Variants in SH3KBP1 observed in about 807,000 individuals in gnomAD.
SH3KBP1 encodes SH3 domain-containing kinase-binding protein 1.
In SH3KBP1, 8 loss-of-function variants were observed where a neutral mutation model predicts 50.1. The ratio of observed to expected loss-of-function variants is 0.16; its 90% CI spans 0.09 to 0.29. SH3KBP1 has a LOEUF of 0.29. Ranked by LOEUF, SH3KBP1 falls within the 10% of genes least tolerant of loss-of-function variation. SH3KBP1 has a pLI of 1.00. For synonymous variants in SH3KBP1, 227 were observed against 218.6 expected (o/e 1.04, Z -0.34); for missense variants, 377 against 535.2 (o/e 0.70, Z 2.92).
intron 6 of SH3KBP1, among the ~76,000 whole-genome samples, chrX:19,665,335 T>C (rs2062571164): frequency 8.9e-6 from 1 of 112,238 alleles, no homozygotes; most frequent in Non-Finnish European, 1.9e-5. Context: ...GCCTTCACTT[T>C]GCCAAACCAT....
chrX:19,766,562 TG>T (rs1198897341), intron 2 of SH3KBP1, among the ~76,000 whole-genome samples: 2 of 83,718 alleles, frequency 2.4e-5, no homozygotes, highest in Non-Finnish European at 4.3e-5. Flanking sequence ...TGGAGTGCAG[TG>T]GCACAATCTC....
intron 8 of SH3KBP1, among the ~76,000 whole-genome samples, chrX:19,621,676 G>A (rs1241965872): frequency 8.9e-6 from 1 of 112,059 alleles, no homozygotes; most frequent in Non-Finnish European, 1.9e-5. Flanking sequence ...CATAAATAAA[G>A]TTTCATTGGA....
In SH3KBP1 at chrX:19,808,604, C is replaced by G. The variant is rs146567361; in HGVS notation, c.162+27521G>C. 8.1e-5 allele frequency among the ~76,000 whole-genome samples: 9 copies of G among 111,225 alleles called. No individual in the cohort carries two copies. The East Asian group carries it at 1.4e-3, about 17-fold the overall frequency. On this transcript the variant is annotated intron_variant, in intron 2 of 17. Coordinates refer to ENST00000397821, the MANE Select transcript of SH3KBP1 (RefSeq NM_031892.3). The stretch of plus-strand genomic sequence containing the variant: ...TGCAAAGGGATAGGACCCCCTCCCC[C>G]ACAACTGCTGCCCTCAAGACTTCAC...
chrX:19,575,996 G>C (rs1055107386), intron 12 of SH3KBP1, among the ~76,000 whole-genome samples: 7 of 111,965 alleles, frequency 6.3e-5, no homozygotes, highest in African/African-American at 2.0e-4. Flanking sequence ...GCAAGCTCCT[G>C]CAAGTGTTTC....
At chrX:19,572,185 T>C (rs926734132) in intron 12 of SH3KBP1, among the ~76,000 whole-genome samples, 5 of 102,048 alleles carry the variant, frequency 4.9e-5, no homozygotes, top group Non-Finnish European at 9.5e-5. Flanking sequence ...TTTATATATA[T>C]AAAGTACATA....
chrX:19,662,656 T>C (rs2062491522), intron 6 of SH3KBP1, among the ~76,000 whole-genome samples: 1 of 111,486 alleles, frequency 9.0e-6, no homozygotes, highest in Non-Finnish European at 1.9e-5. Context: ...CTTTTGAGGT[T>C]CCACTTTTTT....
chrX:19,860,560 G>C (rs981569066), intron 1 of SH3KBP1, among the ~76,000 whole-genome samples: 3 of 111,850 alleles, frequency 2.7e-5, no homozygotes, highest in African/African-American at 9.7e-5. Context: ...ACAACCTTGA[G>C]AATGTACGTG....
At chrX:19,676,596 A>C (rs1267903790) in intron 6 of SH3KBP1, among the ~76,000 whole-genome samples, 1 of 111,309 alleles carries the variant, frequency 9.0e-6, no homozygotes, top group Non-Finnish European at 1.9e-5. Flanking sequence ...AAAACATCTC[A>C]TGTGCCACAT....
intron 1 of SH3KBP1, among the ~76,000 whole-genome samples, chrX:19,851,553 T>C (rs768009795): frequency 2.7e-5 from 3 of 112,395 alleles, no homozygotes; most frequent in Non-Finnish European, 5.6e-5. Context: ...ATATACTCTT[T>C]TGAGACAGGG....
In SH3KBP1 at chrX:19,745,463, A is replaced by T. The variant is rs891172727; in HGVS notation, c.286+855T>A. On this transcript the variant is annotated intron_variant, in intron 3 of 17. Transcript: ENST00000397821. ...CTGTTCTTCCTCCCCATGGTTATAT[A>T]AACTTGCCTTCTTTTTTTCTGGTTA... Among the ~76,000 whole-genome samples the T allele has an allele frequency of 3.6e-5, 4 of 112,205 alleles. No homozygotes were observed. The Admixed American group carries it at 3.8e-4, about 11-fold the overall frequency.
chrX:19,638,951 T>C (rs2061784616), intron 7 of SH3KBP1, among the ~76,000 whole-genome samples: 2 of 111,834 alleles, frequency 1.8e-5, no homozygotes, highest in Admixed American at 1.9e-4. Context: ...ATACTGGCAA[T>C]ACCTGGAGAC....
chrX:19,806,910 T>C (rs1460414850), intron 2 of SH3KBP1, among the ~76,000 whole-genome samples: 1 of 111,824 alleles, frequency 8.9e-6, no homozygotes, highest in African/African-American at 3.3e-5. Flanking sequence ...TACCTGTCCT[T>C]CTAATTAGTT....
intron 6 of SH3KBP1, among the ~76,000 whole-genome samples, chrX:19,648,207 T>G (rs1486907560): frequency 9.3e-6 from 1 of 107,702 alleles, no homozygotes; most frequent in Non-Finnish European, 1.9e-5. Context: ...GAGGGAAACA[T>G]GGGGGAGGAT....
At chrX:19,689,498 G>T (rs1044649523) in intron 5 of SH3KBP1, among the ~76,000 whole-genome samples, 1 of 112,015 alleles carries the variant, frequency 8.9e-6, no homozygotes, top group Non-Finnish European at 1.9e-5. Flanking sequence ...GTAGACCATG[G>T]CTCTGATGTC....
chrX:19,823,117 GA>G (rs1036624633), intron 2 of SH3KBP1, among the ~76,000 whole-genome samples: 2 of 111,162 alleles, frequency 1.8e-5, no homozygotes, highest in African/African-American at 6.5e-5. Context: ...TGGGGAGGGG[GA>G]GCTGCCTACC....
chrX:19,622,249 C>T (rs1016511932), intron 8 of SH3KBP1, among the ~76,000 whole-genome samples: 2 of 111,818 alleles, frequency 1.8e-5, no homozygotes, highest in African/African-American at 6.5e-5. Context: ...TGTTCAAGCT[C>T]GGTAATCATT....
intron 1 of SH3KBP1, among the ~76,000 whole-genome samples, chrX:19,874,072 T>TAC (rs2069163938): frequency 1.3e-5 from 1 of 78,722 alleles, no homozygotes; most frequent in Admixed American, 1.4e-4. Context: ...AAAAAAAATA[T>TAC]ATATATATAT....
intron 2 of SH3KBP1, among the ~76,000 whole-genome samples, chrX:19,768,471 C>T (rs1386075082): frequency 6.1e-5 from 6 of 97,697 alleles, no homozygotes. Flanking sequence ...TAAACTCCAC[C>T]TAACGCCACT....
chrX:19,860,092 G>C (rs774690173), intron 1 of SH3KBP1, among the ~76,000 whole-genome samples: 2 of 109,943 alleles, frequency 1.8e-5, no homozygotes, highest in African/African-American at 6.6e-5. Flanking sequence ...CCATACTATG[G>C]AATATTATTC....
Sources: gnomAD v4.1 joint callset for allele counts (sites outside exome capture counted in the v4.1 genomes callset) on GRCh38, gnomAD v4.1.1 for gene constraint, MANE v1.5 for transcripts, NCBI Gene and HGNC (gene_info 2026-07-23, HGNC 2026-07-21) for gene names.